CDH7: variants seen among roughly 807,000 people sequenced by gnomAD.
CDH7 encodes the protein cadherin-7.
In CDH7, 25 loss-of-function variants were observed where a neutral mutation model predicts 71.8. The ratio of observed to expected loss-of-function variants is 0.35; its 90% CI spans 0.25 to 0.49. CDH7 has a LOEUF of 0.49. Among genes scored for constraint, CDH7 ranks in the 20% least tolerant of loss-of-function variants. The pLI, the probability that CDH7 is intolerant of heterozygous loss-of-function variation, is 0.99. For missense variants in CDH7, 862 were observed against 974.6 expected (o/e 0.88, Z 1.54); for synonymous variants, 381 against 363.8 (o/e 1.05, Z -0.54).
intron 2 of CDH7, 102 bp from the exon 3 acceptor site, chr18:65,809,602 A>C (rs1911448997): frequency 1.0e-6 from 1 of 982,020 alleles, no homozygotes; most frequent in East Asian, 2.5e-5. Flanking sequence ...AAGAACAATA[A>C]AATTTCATGT....
rs1325186041 is a variant in CDH7, at chr18:65,887,947, T to C, written c.*7053T>C. The C allele has an allele frequency of 6.6e-6, 1 of 152,178 alleles. No homozygotes were observed. Among genetic ancestry groups the C allele is most frequent in the Non-Finnish European group, 1.5e-5 (1 of 68,026 alleles). The allele number at this position is 152,178 out of a possible 1,614,324, so 9.4% of individuals were successfully genotyped here. On this transcript the variant is annotated 3_prime_UTR_variant, in exon 12 of 12. Transcript: ENST00000397968. Reference sequence around the variant, plus strand: ...ATTAAAAAGAAAACCACTTTTATAATATTTTTGCTTATGTAAGAGTCACTT... The same window carrying C: ...ATTAAAAAGAAAACCACTTTTATAACATTTTTGCTTATGTAAGAGTCACTT...
In CDH7 at chr18:65,839,004, G is replaced by A. The variant is rs577421501; in HGVS notation, c.982-4808G>A. On this transcript the variant is annotated intron_variant, in intron 6 of 11. Coordinates refer to ENST00000397968, the MANE Select transcript of CDH7 (RefSeq NM_004361.5). ...TATTTTGTGTCAGTCACTGTTCTAG[G>A]TGCTATTTATTTCTCAATAATTTAC... 1.8e-4 allele frequency among the ~76,000 whole-genome samples: 27 copies of A among 152,178 alleles called. No homozygotes were observed. The South Asian group carries it at 4.4e-3, about 25-fold the overall frequency.
chr18:65,776,522 T>A (rs1047558119), intron 2 of CDH7, among the ~76,000 whole-genome samples: 1 of 152,116 alleles, frequency 6.6e-6, no homozygotes, highest in Non-Finnish European at 1.5e-5. Context: ...GGCAAGAGAT[T>A]CTAGTGTCAT....
chr18:65,825,584 G>T (rs1198974404), intron 6 of CDH7, among the ~76,000 whole-genome samples: 1 of 151,650 alleles, frequency 6.6e-6, no homozygotes. Context: ...TCAACTATTT[G>T]AAACATTAAA....
At chr18:65,845,490 G>T (rs771034066) in intron 7 of CDH7, among the ~76,000 whole-genome samples, 2 of 152,012 alleles carry the variant, frequency 1.3e-5, no homozygotes, top group South Asian at 2.1e-4. Context: ...CTTTCTGACT[G>T]CAGTTCAGCC....
At position 65,781,988 on chromosome 18, in the gene CDH7, T is replaced by C. The variant is rs199602985; in HGVS notation, c.210+18936T>C. ...TCTCTCTCTCTCTCTCTCTCTCTCT[T>C]TCTCTCTTTCTCTCTTTCTCTCTTT... On this transcript the variant is annotated intron_variant, in intron 2 of 11. Coordinates refer to ENST00000397968, the MANE Select transcript of CDH7 (RefSeq NM_004361.5). Among the ~76,000 whole-genome samples the C allele has an allele frequency of 2.2e-3, 129 of 57,668 alleles. 4 individuals carry two copies. The highest frequency in any genetic ancestry group is 2.6e-3 in the Non-Finnish European group (85 of 33,210). The allele number at this position is 57,668 out of a possible 152,430, so 37.8% of individuals were successfully genotyped here. A position where few individuals can be genotyped will look rare whatever the true frequency, so the allele number is the denominator to read the frequency against.
At chr18:65,830,719 C>G (rs937666410) in intron 6 of CDH7, among the ~76,000 whole-genome samples, 3 of 97,216 alleles carry the variant, frequency 3.1e-5, no homozygotes, top group African/African-American at 8.7e-5. Flanking sequence ...TCTTCTTTCT[C>G]TCTCTCTCTT....
At chr18:65,877,637 A>G (rs1043883930) in intron 11 of CDH7, among the ~76,000 whole-genome samples, 1 of 151,908 alleles carries the variant, frequency 6.6e-6, no homozygotes, top group African/African-American at 2.4e-5. Flanking sequence ...CAGGTGTCTT[A>G]TTTCTACCTG....
At chr18:65,804,193 CA>C (rs1045047003) in intron 2 of CDH7, among the ~76,000 whole-genome samples, 6 of 152,040 alleles carry the variant, frequency 3.9e-5, no homozygotes, top group African/African-American at 1.2e-4. Flanking sequence ...AAGGCAAAGA[CA>C]TCAAAAAGTG....
intron 9 of CDH7, among the ~76,000 whole-genome samples, chr18:65,859,247 A>G (rs1913474571): frequency 1.3e-5 from 2 of 152,196 alleles, no homozygotes; most frequent in Admixed American, 1.3e-4. Context: ...AAAATTCCTC[A>G]GGAAGGAAAG....
At chr18:65,840,222 C>T (rs1912678726) in intron 6 of CDH7, among the ~76,000 whole-genome samples, 1 of 152,082 alleles carries the variant, frequency 6.6e-6, no homozygotes, top group South Asian at 2.1e-4. Context: ...TATTTTTGTA[C>T]TTTGGAAACT....
rs1914342122 is a variant in CDH7, at chr18:65,885,372, G to GTGTTTTTTTTTTTTTTTTTTTT, written c.*4479_*4480insGTTTTTTTTTTTTTTTTTTTTT. 1.4e-5 allele frequency: 1 copy of GTGTTTTTTTTTTTTTTTTTTTT among 69,436 alleles called. No homozygotes were observed. The highest frequency in any genetic ancestry group is 5.2e-5 in the African/African-American group (1 of 19,180). 4.3% of individuals were successfully genotyped at this position (69,436 alleles called of 1,614,324 possible). A position where few individuals can be genotyped will look rare whatever the true frequency, so the allele number is the denominator to read the frequency against. On this transcript the variant is annotated 3_prime_UTR_variant, in exon 12 of 12. Coordinates refer to ENST00000397968, the MANE Select transcript of CDH7 (RefSeq NM_004361.5). Reference sequence around the variant, plus strand: ...GTAACTGAAAAGGATGTGTGCCTGTGTTTTTTTTTTTTTTTTTTTTTTTGA... The same window carrying GTGTTTTTTTTTTTTTTTTTTTT: ...GTAACTGAAAAGGATGTGTGCCTGTGTGTTTTTTTTTTTTTTTTTTTTTTTTTTTTTTTTTTTTTTTTTTTGA...
chr18:65,796,307 A>G (rs1003035052), intron 2 of CDH7, among the ~76,000 whole-genome samples: 2 of 151,612 alleles, frequency 1.3e-5, no homozygotes, highest in Non-Finnish European at 2.9e-5. Context: ...TTTTGAAATT[A>G]TAGAATAAAT....
In CDH7 at chr18:65,829,309, G is replaced by T. The variant is rs921656338; in HGVS notation, c.981+4478G>T. Among the ~76,000 whole-genome samples the T allele has an allele frequency of 3.9e-5, 6 of 151,936 alleles. No homozygotes were observed. The East Asian group carries it at 5.8e-4, about 15-fold the overall frequency. ...TAATTTTTGTATTTTTAGTAGAGAC[G>T]GGGTTTCACCGTGTTAGCCAGGATG... On this transcript the variant is annotated intron_variant, in intron 6 of 11. Transcript: ENST00000397968.
At chr18:65,767,703 TG>T (rs1916418214) in intron 2 of CDH7, among the ~76,000 whole-genome samples, 1 of 152,228 alleles carries the variant, frequency 6.6e-6, no homozygotes. Flanking sequence ...GATAGATGTG[TG>T]GAATTCCTGG....
rs9965047 is a variant in CDH7, at chr18:65,786,538, T to C, written c.211-23166T>C. 2.8e-3 allele frequency among the ~76,000 whole-genome samples: 421 copies of C among 152,286 alleles called. 3 individuals are homozygous for C. Among genetic ancestry groups the C allele is most frequent in the African/African-American group, 9.7e-3 (403 of 41,560 alleles). ...ATAAATCAGTACTGATAATGTTTAA[T>C]TGAATATATTAATATAATGTCTGTG... On this transcript the variant is annotated intron_variant, in intron 2 of 11. Coordinates refer to ENST00000397968, the MANE Select transcript of CDH7 (RefSeq NM_004361.5).
At chr18:65,820,559 GTTC>G in intron 4 of CDH7, among the ~76,000 whole-genome samples, 1 of 152,200 alleles carries the variant, frequency 6.6e-6, no homozygotes, top group South Asian at 2.1e-4. Flanking sequence ...ATTAGTGGGT[GTTC>G]TTCTTTCAAG....
intron 11 of CDH7, among the ~76,000 whole-genome samples, chr18:65,877,409 C>G (rs1231938678): frequency 1.3e-5 from 2 of 151,732 alleles, no homozygotes; most frequent in Non-Finnish European, 2.9e-5. Flanking sequence ...CTATATATAG[C>G]AATATATTTA....
At chr18:65,801,436 G>A (rs1911120659) in intron 2 of CDH7, among the ~76,000 whole-genome samples, 8 of 152,154 alleles carry the variant, frequency 5.3e-5, no homozygotes, top group Admixed American at 5.2e-4. Flanking sequence ...ATGCTAGAAA[G>A]GATGAACTAG....
Sources: gnomAD v4.1 joint callset for allele counts (sites outside exome capture counted in the v4.1 genomes callset) on GRCh38, gnomAD v4.1.1 for gene constraint, MANE v1.5 for transcripts, NCBI Gene and HGNC (gene_info 2026-07-23, HGNC 2026-07-21) for gene names.